Variants in SMYD5 observed in about 807,000 individuals in gnomAD.
The protein encoded by SMYD5 is SMYD family member 5, also known as protein-lysine N-trimethyltransferase SMYD5.
A neutral mutation model predicts 57.4 loss-of-function variants in SMYD5; 35 were observed. The ratio of observed to expected loss-of-function variants is 0.61; its 90% CI spans 0.47 to 0.81. The LOEUF is 0.81. SMYD5 is among the 30% of genes least tolerant of loss of function. SMYD5 has a pLI of 0.00. For missense variants in SMYD5, 471 were observed against 527.9 expected, an observed-to-expected ratio of 0.89 and a Z score of 1.06; for synonymous variants, 198 against 189.7, an observed-to-expected ratio of 1.04 and a Z score of -0.36.
rs770497500 is a variant in SMYD5 at position 73,214,275 on chromosome 2, C to G, written c.9C>G (p.Ala3=). Residue 3 remains alanine, a synonymous_variant, in exon 1 of 13, where the codon GCC becomes GCG. Transcript: ENST00000389501. MA[A]SMCDVFSFCV... Reference sequence around the variant, plus strand: ...GCGGAGGCGCGCCCAAGATGGCGGCCTCCATGTGCGACGTGTTCTCCTTCT... The same window carrying G: ...GCGGAGGCGCGCCCAAGATGGCGGCGTCCATGTGCGACGTGTTCTCCTTCT... The G allele has an allele frequency of 6.2e-7, 1 of 1,613,854 alleles. No individual in the cohort carries two copies. Among genetic ancestry groups the G allele is most frequent in the Non-Finnish European group, 8.5e-7 (1 of 1,179,896 alleles).
chr2:73,225,516 C>T (rs768042300), intron 11 of SMYD5, 115 bp from the exon 12 acceptor site: 190 of 964,770 alleles, frequency 2.0e-4, no homozygotes, highest in Middle Eastern at 2.2e-4. Context: ...TGAAGGGCAA[C>T]GCAAACTTGG....
In SMYD5 at chr2:73,223,451, T is replaced by G. The variant is rs764441764; in HGVS notation, c.802T>G (p.Cys268Gly). The change falls in exon 9 of 13, where the codon TGT becomes GGT. Residue 268 changes from cysteine to glycine, a missense_variant. By Grantham distance (159) the Cys-to-Gly change is radical (BLOSUM62 -3). Transcript: ENST00000389501. Reference sequence around the variant, plus strand: ...CTCCCTAAGCCAGTGGGTCCATGCCTGTGACACTCTGGAGTTGAAGCCTCA... The same window carrying G: ...CTCCCTAAGCCAGTGGGTCCATGCCGGTGACACTCTGGAGTTGAAGCCTCA... The part of the protein sequence containing the change: ...TSSLSQWVHA[C>G]DTLELKPQDR... The G allele has an allele frequency of 2.5e-6, 4 of 1,613,948 alleles. No individual in the cohort carries two copies. Among genetic ancestry groups the G allele is most frequent in the Admixed American group, 3.3e-5 (2 of 60,028 alleles).
Position 73,226,166 on chromosome 2 carries a change from T to C in SMYD5, c.*220T>C, listed in dbSNP as rs1228974862. The C allele has an allele frequency of 1.6e-6, 1 of 615,988 alleles. No individual in the cohort carries two copies. The highest frequency in any genetic ancestry group is 2.8e-5 in the East Asian group (1 of 35,208). The allele number at this position is 615,988 out of a possible 1,614,324, so 38.2% of individuals were successfully genotyped here. On this transcript the variant is annotated 3_prime_UTR_variant, in exon 13 of 13. Transcript: ENST00000389501. Reference sequence around the variant, plus strand: ...TGCTGAGTTGGCTCAGACTCTGCACTGGCACTGAGCCTTTCACAACTGGCC... The same window carrying C: ...TGCTGAGTTGGCTCAGACTCTGCACCGGCACTGAGCCTTTCACAACTGGCC...
rs1382353272 is a variant in SMYD5, at chr2:73,222,761, C to G, written c.649C>G (p.Leu217Val). 1 of 1,612,018 alleles carries G rather than the reference C, an allele frequency of 6.2e-7. No homozygotes were observed. Among genetic ancestry groups the G allele is most frequent in the Non-Finnish European group, 8.5e-7 (1 of 1,179,174 alleles). ...CCTGCTTCCTCTAATCCAGGGCCAA[C>G]TGGAACTTCTGCGGAGACTCTTCAC... ...KLLGDKFKGQ[L>V]ELLRRLFTEA... The change falls in exon 7 of 13, where the codon CTG becomes GTG. Residue 217 changes from leucine (L) to valine (V), a missense_variant. Coordinates refer to ENST00000389501, the MANE Select transcript of SMYD5 (RefSeq NM_006062.3).
intron 4 of SMYD5, 32 bp downstream of exon 4, chr2:73,220,814 T>G: frequency 6.2e-7 from 1 of 1,610,604 alleles, no homozygotes; most frequent in African/African-American, 1.3e-5. Context: ...CTTTCCTTTA[T>G]CCTTTCCTCC....
intron 1 of SMYD5, among the ~76,000 whole-genome samples, chr2:73,215,887 GT>G (rs1686285631): frequency 6.6e-6 from 1 of 151,848 alleles, no homozygotes; most frequent in Non-Finnish European, 1.5e-5. Flanking sequence ...TTTTTTCTCT[GT>G]GTTATTTTCC....
intron 2 of SMYD5, among the ~76,000 whole-genome samples, chr2:73,219,672 G>A (rs182274837): frequency 2.0e-5 from 3 of 152,280 alleles, no homozygotes; most frequent in African/African-American, 4.8e-5. Context: ...TTGAGCCACC[G>A]TGCCCAACCC....
Position 73,220,702 on chromosome 2 carries a change from G to A in SMYD5, c.387G>A (p.Glu129=), listed in dbSNP as rs2103715008. The A allele has an allele frequency of 6.2e-7, 1 of 1,614,056 alleles. No individual in the cohort carries two copies. Among genetic ancestry groups the A allele is most frequent in the Non-Finnish European group, 8.5e-7 (1 of 1,180,010 alleles). ...CAGAATGTCGGTTGGCAGCCACTGA[G>A]CAATACCACCAGGTCCTGTGCCCAG... ...CSAECRLAAT[E]QYHQVLCPGP... is the part of the protein sequence containing the mutation. Residue 129 remains glutamate (E), a synonymous_variant, in exon 4 of 13, where the codon GAG becomes GAA. Coordinates refer to ENST00000389501, the MANE Select transcript of SMYD5 (RefSeq NM_006062.3).
intron 1 of SMYD5, 45 bp downstream of exon 1, chr2:73,214,407 C>A (rs1336409607): frequency 6.2e-7 from 1 of 1,611,034 alleles, no homozygotes; most frequent in East Asian, 2.2e-5. Flanking sequence ...CCCAGTCCGG[C>A]CATGGAGACA....
At chr2:73,214,703 G>A (rs1203016033) in intron 1 of SMYD5, 7 of 1,381,834 alleles carry the variant, frequency 5.1e-6, no homozygotes, top group Non-Finnish European at 6.7e-6. Flanking sequence ...AGAGAGAACT[G>A]AGGTGTAAAA....
At position 73,216,200 on chromosome 2, in the gene SMYD5, T is replaced by C. The variant is rs13409789; in HGVS notation, c.96+1838T>C. On this transcript the variant is annotated intron_variant, in intron 1 of 12. Transcript: ENST00000389501. ...CAGCTGGATTACCATACTGGTGCAC[T>C]AGCCGGATAGCAGCATGGCTTATTG... Among the ~76,000 whole-genome samples, 383 of 152,342 alleles carry C rather than the reference T, an allele frequency of 2.5e-3. 1 individual carries two copies. Among genetic ancestry groups the C allele is most frequent in the African/African-American group, 8.8e-3 (367 of 41,568 alleles).
chr2:73,214,540 C>G (rs965577810), intron 1 of SMYD5, 178 bp downstream of exon 1: 13 of 1,478,804 alleles, frequency 8.8e-6, no homozygotes, highest in Admixed American at 2.3e-5. Flanking sequence ...GTGGCGCGGT[C>G]ACGCGATAGA....
At chr2:73,214,409 A>T (rs2103704441) in intron 1 of SMYD5, 47 bp downstream of exon 1, 3 of 1,611,196 alleles carry the variant, frequency 1.9e-6, no homozygotes, top group Non-Finnish European at 2.5e-6. Context: ...CAGTCCGGCC[A>T]TGGAGACAGC....
chr2:73,222,827 G>A lies in SMYD5; in HGVS notation c.705+10G>A, dbSNP rs1364286589. The A allele has an allele frequency of 3.1e-6, 5 of 1,613,326 alleles. No homozygotes were observed. The highest frequency in any genetic ancestry group is 2.2e-5 in the East Asian group (1 of 44,888). On this transcript the variant is annotated intron_variant, in intron 7 of 12. Transcript: ENST00000389501. ...GGAAGCAGTCAGCCAGGTGAGTGAG[G>A]AGAGGGTGGGACCAGTGGCCTCCTT... is the stretch of plus-strand genomic sequence containing the variant.
In SMYD5 at chr2:73,226,138, T is replaced by A; in HGVS notation, c.*192T>A. ...CCACCAGACCTCATGCCCTGGACAC[T>A]GCTGCTGAGTTGGCTCAGACTCTGC... On this transcript the variant is annotated 3_prime_UTR_variant, in exon 13 of 13. Transcript: ENST00000389501. 1 of 737,946 alleles carries A rather than the reference T, an allele frequency of 1.4e-6. No individual in the cohort carries two copies. Among genetic ancestry groups the A allele is most frequent in the Non-Finnish European group, 2.1e-6 (1 of 465,552 alleles). 45.7% of individuals were successfully genotyped at this position (737,946 alleles called of 1,614,324 possible).
At chr2:73,221,788 G>T in intron 5 of SMYD5, 38 bp from the exon 6 acceptor site, 1 of 1,407,154 alleles carries the variant, frequency 7.1e-7, no homozygotes, top group South Asian at 1.2e-5. Context: ...GTGAGAAGGT[G>T]GGTATCTGTG....
intron 1 of SMYD5, among the ~76,000 whole-genome samples, chr2:73,216,023 GAA>G (rs1686288190): frequency 1.3e-5 from 2 of 152,176 alleles, no homozygotes; most frequent in African/African-American, 4.8e-5. Context: ...ATTGGGTCAT[GAA>G]ACTATATAGA....
chr2:73,223,463 G>C lies in SMYD5; in HGVS notation c.814G>C (p.Glu272Gln). ...SQWVHACDTLELKPQDREQLD... is the reference protein window; with the variant it reads ...SQWVHACDTLQLKPQDREQLD... ...GTGGGTCCATGCCTGTGACACTCTG[G>C]AGTTGAAGCCTCAGGACCGTGAGCA... Residue 272 changes from glutamate to glutamine, a missense_variant, in exon 9 of 13, where the codon GAG (glutamate) becomes CAG (glutamine). Coordinates refer to ENST00000389501, the MANE Select transcript of SMYD5 (RefSeq NM_006062.3). The C allele has an allele frequency of 6.2e-7, 1 of 1,614,106 alleles. No individual in the cohort carries two copies. The highest frequency in any genetic ancestry group is 8.5e-7 in the Non-Finnish European group (1 of 1,179,980).
In SMYD5 at chr2:73,215,244, A is replaced by G. The variant is rs182796472; in HGVS notation, c.96+882A>G. On this transcript the variant is annotated intron_variant, in intron 1 of 12. Coordinates refer to ENST00000389501, the MANE Select transcript of SMYD5 (RefSeq NM_006062.3). ...GTCCAGCAGTATTTTTTTCCTAGTT[A>G]TCTTTGCCTATTGATATGTGTAAAA... 4.7e-4 allele frequency among the ~76,000 whole-genome samples: 71 copies of G among 152,176 alleles called. 2 individuals are homozygous for G. The South Asian group carries it at 0.013, about 28-fold the overall frequency.
Sources: gnomAD v4.1 joint callset for allele counts (sites outside exome capture counted in the v4.1 genomes callset) on GRCh38, gnomAD v4.1.1 for gene constraint, MANE v1.5 for transcripts, NCBI Gene and HGNC (gene_info 2026-07-23, HGNC 2026-07-21) for gene names.